HSD17B12: variants seen among roughly 807,000 people sequenced by gnomAD.
The protein encoded by HSD17B12 is hydroxysteroid 17-beta dehydrogenase 12, also known as very-long-chain 3-oxoacyl-CoA reductase.
In HSD17B12, 32 loss-of-function variants were observed where a neutral mutation model predicts 39.3. That is an observed-to-expected ratio of 0.81 (90% confidence interval 0.61 to 1.09). The LOEUF (loss-of-function observed/expected upper bound fraction) is 1.09, where lower values mean the gene tolerates loss of function less well. Ranked by LOEUF, HSD17B12 falls within the 50% of genes least tolerant of loss-of-function variation. HSD17B12 has a pLI of 0.00. For missense variants in HSD17B12, 342 were observed against 382.9 expected, an observed-to-expected ratio of 0.89 and a Z score of 0.89; for synonymous variants, 150 against 146.7, an observed-to-expected ratio of 1.02 and a Z score of -0.16.
intron 3 of HSD17B12, among the ~76,000 whole-genome samples, chr11:43,776,434 C>T (rs1950704901): frequency 6.6e-6 from 1 of 151,992 alleles, no homozygotes; most frequent in African/African-American, 2.4e-5. Flanking sequence ...TGTCCTTCGC[C>T]CACTTTTTGA....
the HSD17B12 span, among the ~76,000 whole-genome samples, chr11:43,574,987 C>T: frequency 6.6e-6 from 1 of 152,216 alleles, no homozygotes; most frequent in East Asian, 1.9e-4. Flanking sequence ...GCCGCAGTAG[C>T]AAGCCGGACA....
chr11:43,634,382 C>T, the HSD17B12 span, among the ~76,000 whole-genome samples: 1 of 152,082 alleles, frequency 6.6e-6, no homozygotes, highest in Non-Finnish European at 1.5e-5. Flanking sequence ...TCTCTTCCAC[C>T]CCCACAAACT....
At chr11:43,801,595 G>GAGATATATATATAT (rs1471934295) in intron 4 of HSD17B12, among the ~76,000 whole-genome samples, 9 of 72,792 alleles carry the variant, frequency 1.2e-4, no homozygotes, top group African/African-American at 2.3e-4. Context: ...GATAGTTGGA[G>GAGATATATATATAT]ATATATATAT....
At chr11:43,614,298 CTT>C in the HSD17B12 span, among the ~76,000 whole-genome samples, 2 of 152,146 alleles carry the variant, frequency 1.3e-5, no homozygotes. Flanking sequence ...AAGTTTTTCT[CTT>C]TTCGTTTCAG....
At position 43,831,220 on chromosome 11, in the gene HSD17B12, T is replaced by G. The variant is rs1951307185; in HGVS notation, c.536+210T>G. ...ACTCGATTCCCTTTTTATTTCTCTCTCTAGGGTTGTAGTGGTTCCTTTAGA... is the reference window on the plus strand; with the variant it reads ...ACTCGATTCCCTTTTTATTTCTCTCGCTAGGGTTGTAGTGGTTCCTTTAGA... On this transcript the variant is annotated intron_variant, in intron 7 of 10. Coordinates refer to ENST00000278353, the MANE Select transcript of HSD17B12 (RefSeq NM_016142.3). This position sits in a 1 kb window ranked among gnomAD's most constrained non-coding sequence, Gnocchi z 4.1. 2.5e-6 allele frequency: 1 copy of G among 394,558 alleles called. No individual in the cohort carries two copies. The highest frequency in any genetic ancestry group is 4.6e-6 in the Non-Finnish European group (1 of 219,662). The allele number at this position is 394,558 out of a possible 1,614,324, so 24.4% of individuals were successfully genotyped here.
intron 1 of HSD17B12, among the ~76,000 whole-genome samples, chr11:43,729,759 A>G (rs1015481707): frequency 6.6e-6 from 1 of 152,230 alleles, no homozygotes; most frequent in African/African-American, 2.4e-5. Flanking sequence ...GTTGAATGAA[A>G]CAAACTTCAA....
intron 1 of HSD17B12, among the ~76,000 whole-genome samples, chr11:43,704,101 T>C (rs960143446): frequency 6.6e-6 from 1 of 152,236 alleles, no homozygotes. Flanking sequence ...AGAGGAGATA[T>C]GGGCAAGGCA....
chr11:43,657,253 G>C, the HSD17B12 span, among the ~76,000 whole-genome samples: 1 of 152,032 alleles, frequency 6.6e-6, no homozygotes, highest in Non-Finnish European at 1.5e-5. Flanking sequence ...CCATTTACTT[G>C]GTAGATCTTC....
intron 9 of HSD17B12, among the ~76,000 whole-genome samples, chr11:43,844,619 C>G (rs547293044): frequency 1.3e-5 from 2 of 152,116 alleles, no homozygotes; most frequent in East Asian, 3.9e-4. Flanking sequence ...AGTAATTTGA[C>G]TGGCTAGGTA....
the HSD17B12 span, among the ~76,000 whole-genome samples, chr11:43,629,295 A>C: frequency 1.3e-5 from 2 of 152,236 alleles, no homozygotes; most frequent in African/African-American, 4.8e-5. Context: ...TTGATAAATT[A>C]TAATGATTCT....
chr11:43,809,599 A>G (rs1951050769), intron 4 of HSD17B12, among the ~76,000 whole-genome samples: 1 of 152,148 alleles, frequency 6.6e-6, no homozygotes, highest in African/African-American at 2.4e-5. Flanking sequence ...CAGGCGGATC[A>G]CCTGAGGTCA....
intron 9 of HSD17B12, among the ~76,000 whole-genome samples, chr11:43,844,840 G>A (rs1384596706): frequency 1.3e-5 from 2 of 152,194 alleles, no homozygotes; most frequent in African/African-American, 4.8e-5. Flanking sequence ...TAAAAATAGT[G>A]CAGACAATAC....
At chr11:43,650,506 C>G in the HSD17B12 span, among the ~76,000 whole-genome samples, 1 of 152,130 alleles carries the variant, frequency 6.6e-6, no homozygotes, top group East Asian at 1.9e-4. Flanking sequence ...CCCTCATACA[C>G]TGCTGGTGAG....
intron 3 of HSD17B12, among the ~76,000 whole-genome samples, chr11:43,754,417 T>TA (rs909742706): frequency 6.6e-6 from 1 of 150,858 alleles, no homozygotes; most frequent in South Asian, 2.1e-4. Flanking sequence ...TACTAAAAAT[T>TA]AAAAAAAAAT....
the HSD17B12 span, among the ~76,000 whole-genome samples, chr11:43,629,588 G>T: frequency 6.6e-6 from 1 of 152,200 alleles, no homozygotes; most frequent in Admixed American, 6.5e-5. Flanking sequence ...TATTGAGCTT[G>T]TCTGGTGAAG....
chr11:43,567,144 T>C, the HSD17B12 span, among the ~76,000 whole-genome samples: 2 of 152,192 alleles, frequency 1.3e-5, no homozygotes, highest in African/African-American at 4.8e-5. Context: ...AGAGGAAGGT[T>C]ATCCGGGCTC....
At chr11:43,815,764 T>C (rs955503020) in intron 5 of HSD17B12, among the ~76,000 whole-genome samples, 2 of 152,212 alleles carry the variant, frequency 1.3e-5, no homozygotes, top group African/African-American at 4.8e-5. Flanking sequence ...GATTCAATAA[T>C]AGCTCTAGTT....
chr11:43,632,150 AG>A, the HSD17B12 span, among the ~76,000 whole-genome samples: 1 of 152,166 alleles, frequency 6.6e-6, no homozygotes, highest in African/African-American at 2.4e-5. Context: ...TCCTCTTTTG[AG>A]GTCTTTGTCA....
intron 4 of HSD17B12, among the ~76,000 whole-genome samples, chr11:43,806,038 C>T (rs1339131296): frequency 6.6e-6 from 1 of 152,176 alleles, no homozygotes; most frequent in African/African-American, 2.4e-5. Flanking sequence ...CGGGGAGTCC[C>T]CAACACAGAG....
Sources: gnomAD v4.1 joint callset for allele counts (sites outside exome capture counted in the v4.1 genomes callset) on GRCh38, gnomAD v4.1.1 for gene constraint, Gnocchi (gnomAD v3.1) non-coding constraint, MANE v1.5 for transcripts, NCBI Gene and HGNC (gene_info 2026-07-23, HGNC 2026-07-21) for gene names.